OVCH2: variants seen among roughly 807,000 people sequenced by gnomAD.
OVCH2 encodes ovochymase 2.
In OVCH2, 88 loss-of-function variants were observed where a neutral mutation model predicts 73.7. That is an observed-to-expected ratio of 1.19 (90% CI 1.01 to 1.43). The LOEUF is 1.43. OVCH2 is among the 40% of genes most tolerant of loss of function. The probability of loss-of-function intolerance (pLI) is 0.00; values close to 1 mark genes in which losing one functional copy is unlikely to be tolerated. For missense variants in OVCH2, 706 were observed against 674.5 expected (o/e 1.05, Z -0.52); for synonymous variants, 265 against 234.5 (o/e 1.13, Z -1.19).
Position 7,702,258 on chromosome 11 carries a change from GT to G in OVCH2, c.361del (p.Thr121LeufsTer26), listed in dbSNP as rs1565170997. The G allele has an allele frequency of 6.2e-7, 1 of 1,612,666 alleles. No homozygotes were observed. The highest frequency in any genetic ancestry group is 2.2e-5 in the East Asian group (1 of 44,860). On this transcript the variant is annotated frameshift_variant, in exon 4 of 16. Transcript: ENST00000533663. LOFTEE classifies it high-confidence loss of function. ...DLSQTDPGEQTLTIETVIIHP... is the reference protein window; with the variant it reads ...DLSQTDPGEQXLTIETVIIHP... Reference sequence around the variant, plus strand: ...TATGATGACAGTTTCAATAGTGAGAGTTTGCTCTCCTGGGTCTGTCTGGCTT... The same window carrying G: ...TATGATGACAGTTTCAATAGTGAGAGTTGCTCTCCTGGGTCTGTCTGGCTT...
chr11:7,705,690 G>GAACCC (rs1170957501), intron 1 of OVCH2: 1 of 152,192 alleles, frequency 6.6e-6, no homozygotes, highest in East Asian at 1.9e-4. Flanking sequence ...GTGCCAGGAT[G>GAACCC]ACATTGGAAC....
chr11:7,690,401 T>C (rs932976135), intron 14 of OVCH2, among the ~76,000 whole-genome samples: 4 of 152,216 alleles, frequency 2.6e-5, no homozygotes, highest in African/African-American at 9.7e-5. Flanking sequence ...GTGTATCTTA[T>C]CTGATTTAAT....
intron 15 of OVCH2, 63 bp downstream of exon 15, chr11:7,689,848 ATCCATATCACCTG>A (rs1273761309): frequency 1.1e-6 from 1 of 892,386 alleles, no homozygotes; most frequent in Non-Finnish European, 1.8e-6. Flanking sequence ...ATGGAATTAA[ATCCATATCACCTG>A]CTTCTCCGGT....
At chr11:7,682,159 G>C in the OVCH2 span, among the ~76,000 whole-genome samples, 1 of 152,162 alleles carries the variant, frequency 6.6e-6, no homozygotes, top group African/African-American at 2.4e-5. Context: ...TTCTGAAATT[G>C]TTATAATCTT....
At chr11:7,703,914 T>C (rs1419937931) in intron 2 of OVCH2, 125 bp from the exon 3 acceptor site, 5 of 779,890 alleles carry the variant, frequency 6.4e-6, no homozygotes, top group Non-Finnish European at 1.1e-5. Context: ...AATCGTGGAC[T>C]GTGAAAAGAT....
At chr11:7,700,685 C>T (rs1856420929) in intron 6 of OVCH2, among the ~76,000 whole-genome samples, 200 bp from the exon 7 acceptor site, 2 of 152,206 alleles carry the variant, frequency 1.3e-5, no homozygotes, top group Non-Finnish European at 2.9e-5. Flanking sequence ...AACAATCCCA[C>T]CTCCCTTTTC....
At chr11:7,705,852 C>T (rs774278909) in intron 1 of OVCH2, among the ~76,000 whole-genome samples, 1 of 152,146 alleles carries the variant, frequency 6.6e-6, no homozygotes, top group African/African-American at 2.4e-5. Flanking sequence ...CTTCCAAGAA[C>T]TGTTTTCAGC....
At position 7,701,321 on chromosome 11, in the gene OVCH2, C is replaced by T; in HGVS notation, c.711+3G>A. 1 of 1,609,816 alleles carries T rather than the reference C, an allele frequency of 6.2e-7. No individual in the cohort carries two copies. Among genetic ancestry groups the T allele is most frequent in the South Asian group, 1.1e-5 (1 of 90,022 alleles). ...GCCTGACAGCCCCGCAGCTCCCACC[C>T]ACCTGACATGCGTCTCTCCCTCCAT... On this transcript the variant is annotated splice_donor_region_variant and intron_variant, in intron 6 of 15. Transcript: ENST00000533663.
intron 10 of OVCH2, 132 bp from the exon 11 acceptor site, chr11:7,695,842 T>C (rs979179151): frequency 9.7e-6 from 12 of 1,232,150 alleles, no homozygotes; most frequent in South Asian, 4.3e-5. Context: ...CTTGTCACAA[T>C]TGACATTTTG....
the OVCH2 span, among the ~76,000 whole-genome samples, chr11:7,681,869 A>G: frequency 5.3e-4 from 80 of 151,792 alleles, no homozygotes; most frequent in South Asian, 0.014. Context: ...AAAAAAAAAA[A>G]AAAGAAAAAT....
downstream of OVCH2, among the ~76,000 whole-genome samples, chr11:7,687,305 T>TG (rs200036105): frequency 0.25 from 35,116 of 141,380 alleles, 5,225 homozygotes; most frequent in African/African-American, 0.43. Flanking sequence ...GTGATGGCTG[T>TG]GGAAATAATA....
intron 5 of OVCH2, 91 bp from the exon 6 acceptor site, chr11:7,701,566 G>C (rs1423835221): frequency 6.6e-7 from 1 of 1,511,546 alleles, no homozygotes; most frequent in East Asian, 2.4e-5. Flanking sequence ...CGCTTGGCAA[G>C]ACTTGAATTT....
In OVCH2 at chr11:7,696,496, C is replaced by T; in HGVS notation, c.1110G>A (p.Leu370=). Residue 370 remains leucine, a synonymous_variant, in exon 10 of 16, where the codon CTG becomes CTA. Coordinates refer to ENST00000533663, the MANE Select transcript of OVCH2 (RefSeq NM_198185.7). Reference sequence around the variant, plus strand: ...GTCTGTCTTCTAAAGAATACATTGACAGGTAACTGTGGTGACAAGACTCAA... The same window carrying T: ...GTCTGTCTTCTAAAGAATACATTGATAGGTAACTGTGGTGACAAGACTCAA... ...LDVESCHHSY[L]SMYSLEDRPI... 6.2e-7 allele frequency: 1 copy of T among 1,614,004 alleles called. No homozygotes were observed. Among genetic ancestry groups the T allele is most frequent in the Non-Finnish European group, 8.5e-7 (1 of 1,179,896 alleles).
At chr11:7,698,628 T>G in intron 8 of OVCH2, 122 bp downstream of exon 8, 2 of 945,156 alleles carry the variant, frequency 2.1e-6, no homozygotes, top group Non-Finnish European at 1.6e-6. Context: ...GTGCTCCAGG[T>G]GGTAGTTTTA....
chr11:7,696,579 A>G lies in OVCH2; in HGVS notation c.1027T>C (p.Trp343Arg). Reference protein sequence around the residue: ...LYYESKQRCVWTLLVPEEMHV... With the variant: ...LYYESKQRCVRTLLVPEEMHV... The stretch of plus-strand genomic sequence containing the variant: ...ATTTCCTCTGGTACCAGCAGGGTCC[A>G]GACACACCGTCTGTAGGCAGATCAT... Residue 343 changes from tryptophan to arginine, a missense_variant, in exon 10 of 16, where the codon TGG becomes CGG. By Grantham distance (101) the Trp-to-Arg change is moderately radical. Transcript: ENST00000533663. 1 of 1,614,064 alleles carries G rather than the reference A, an allele frequency of 6.2e-7. No homozygotes were observed. The highest frequency in any genetic ancestry group is 8.5e-7 in the Non-Finnish European group (1 of 1,179,906).
chr11:7,694,946 G>A (rs1565167457), intron 12 of OVCH2, 112 bp downstream of exon 12: 1 of 1,267,610 alleles, frequency 7.9e-7, no homozygotes, highest in African/African-American at 1.5e-5. Flanking sequence ...TGGGTTCTAG[G>A]TACTGAAAAC....
chr11:7,680,013 G>A, the OVCH2 span, among the ~76,000 whole-genome samples: 56,964 of 152,060 alleles, frequency 0.37, 12,622 homozygotes, highest in African/African-American at 0.62. Flanking sequence ...CTGGCTGTTC[G>A]ACTGTGTTCT....
In OVCH2 at chr11:7,698,760, CT is replaced by C; in HGVS notation, c.914del (p.Lys305ArgfsTer13). The stretch of plus-strand genomic sequence containing the variant: ...GCAAGGGATACCCACCTCTGGAGCT[CT>C]TTCTCCGATTACCTGGGAAAGGAAA... ...HEHIQTGNRRKSSRAWCSEQD... is the reference protein window; with the variant it reads ...HEHIQTGNRRXSSRAWCSEQD... On this transcript the variant is annotated frameshift_variant, in exon 8 of 16. Coordinates refer to ENST00000533663, the MANE Select transcript of OVCH2 (RefSeq NM_198185.7). LOFTEE classifies it high-confidence loss of function. 1 of 1,612,678 alleles carries C rather than the reference CT, an allele frequency of 6.2e-7. No homozygotes were observed. The highest frequency in any genetic ancestry group is 1.3e-5 in the African/African-American group (1 of 74,988).
At chr11:7,681,648 G>A in the OVCH2 span, among the ~76,000 whole-genome samples, 2 of 150,572 alleles carry the variant, frequency 1.3e-5, no homozygotes, top group African/African-American at 2.5e-5. Context: ...CTTTATAAAC[G>A]GCATCTGTTG....
Sources: gnomAD v4.1 joint callset for allele counts (sites outside exome capture counted in the v4.1 genomes callset) on GRCh38, gnomAD v4.1.1 for gene constraint, MANE v1.5 for transcripts, NCBI Gene and HGNC (gene_info 2026-07-23, HGNC 2026-07-21) for gene names.